Variants in SLC15A3 observed in about 807,000 individuals in gnomAD.
SLC15A3 encodes solute carrier family 15 member 3, also known as osteoclast transporter.
SLC15A3 carries 39 observed loss-of-function variants against 49.2 expected under a neutral mutation model. The ratio of observed to expected loss-of-function variants is 0.79; its 90% CI spans 0.61 to 1.04. SLC15A3 has a LOEUF of 1.04. Ranked by LOEUF, SLC15A3 falls within the 50% of genes least tolerant of loss-of-function variation. SLC15A3 has a pLI of 0.00. For synonymous variants in SLC15A3, 339 were observed against 367.0 expected, an observed-to-expected ratio of 0.92 and a Z score of 0.87; for missense variants, 758 against 794.8, an observed-to-expected ratio of 0.95 and a Z score of 0.56.
chr11:60,944,695 C>T (rs1237558490), intron 2 of SLC15A3, among the ~76,000 whole-genome samples: 1 of 150,078 alleles, frequency 6.7e-6, no homozygotes, highest in Non-Finnish European at 1.5e-5. Context: ...CACCAAAATT[C>T]CCCCCCCTTG....
At chr11:60,947,380 C>T (rs1187975113) in intron 1 of SLC15A3, among the ~76,000 whole-genome samples, 1 of 152,144 alleles carries the variant, frequency 6.6e-6, no homozygotes, top group Non-Finnish European at 1.5e-5. Flanking sequence ...GGGGTTTCAC[C>T]TTGTTAGCCA....
rs866006159 is a variant in SLC15A3 at position 60,951,000 on chromosome 11, G to T, written c.552C>A (p.Ala184=). 4 of 1,474,908 alleles carry T rather than the reference G, an allele frequency of 2.7e-6. No homozygotes were observed. In the South Asian group the frequency reaches 5.3e-5, roughly 19 times the overall value. The allele number at this position is 1,474,908 out of a possible 1,614,324, so 91.4% of individuals were successfully genotyped here. A position where few individuals can be genotyped will look rare whatever the true frequency, so the allele number is the denominator to read the frequency against. The change falls in exon 1 of 8, where the codon GCC becomes GCA. Residue 184 remains alanine (A), a synonymous_variant. Coordinates refer to ENST00000227880, the MANE Select transcript of SLC15A3 (RefSeq NM_016582.3). ...SVRSNLTSFG[A]DQVMDLGRDA... is the part of the protein sequence containing the mutation. ...CAGGCCTCCTGCCACTCACCTGGTCGGCACCGAAGGAGGTGAGGTTGCTCC... is the reference window on the plus strand; with the variant it reads ...CAGGCCTCCTGCCACTCACCTGGTCTGCACCGAAGGAGGTGAGGTTGCTCC...
At position 60,937,197 on chromosome 11, in the gene SLC15A3, A is replaced by AGGGGGCTGGAAT; in HGVS notation, c.*10_*21dup. The AGGGGGCTGGAAT allele has an allele frequency of 6.2e-7, 1 of 1,604,682 alleles. No homozygotes were observed. The highest frequency in any genetic ancestry group is 8.5e-7 in the Non-Finnish European group (1 of 1,173,012). ...GCCGTCTGTCCGGTAGAGTGAAGCA[A>AGGGGGCTGGAAT]GGGGGCTGGAATAGGGCCTGTTCAG... On this transcript the variant is annotated 3_prime_UTR_variant, in exon 8 of 8. Transcript: ENST00000227880.
At chr11:60,941,908 T>C (rs1022565648) in intron 4 of SLC15A3, 127 bp downstream of exon 4, 8 of 901,960 alleles carry the variant, frequency 8.9e-6, no homozygotes, top group South Asian at 3.0e-5. Context: ...CCAGGTGCTT[T>C]TCCTGTATCC....
In SLC15A3 at chr11:60,937,932, C is replaced by G; in HGVS notation, c.1529G>C (p.Gly510Ala). 6.2e-7 allele frequency: 1 copy of G among 1,614,196 alleles called. No individual in the cohort carries two copies. Residue 510 changes from glycine to alanine, a missense_variant, in exon 7 of 8, where the codon GGC becomes GCC. By Grantham distance (60) the Gly-to-Ala change is moderately conservative (BLOSUM62 0). Around this residue, in one of 3 missense-constraint regions of SLC15A3, gnomAD observed 699 missense variants for 706.7 expected, o/e 0.99. Coordinates refer to ENST00000227880, the MANE Select transcript of SLC15A3 (RefSeq NM_016582.3). ...GGACAGCAGTGCCACTAGGCTGGAG[C>G]CCAACAGTGAGCCCACCCCCGACAG... Reference protein sequence around the residue: ...FCLSGVGSLLGSSLVALLSLP... With the variant: ...FCLSGVGSLLASSLVALLSLP...
At position 60,946,630 on chromosome 11, in the gene SLC15A3, G is replaced by C; in HGVS notation, c.750C>G (p.Val250=). ...AFFIFLFATP[V]FITKPPMGSQ... ...TGCCCATCGGGGGCTTGGTGATGAA[G>C]ACGGGGGTGGCAAAGAGGAAGATGA... Residue 250 remains valine, a synonymous_variant, in exon 2 of 8, where the codon GTC becomes GTG. Transcript: ENST00000227880. 1.2e-6 allele frequency: 2 copies of C among 1,614,098 alleles called. No homozygotes were observed. The highest frequency in any genetic ancestry group is 1.7e-6 in the Non-Finnish European group (2 of 1,179,968).
chr11:60,942,421 G>A, intron 3 of SLC15A3: 1 of 361,508 alleles, frequency 2.8e-6, no homozygotes, highest in East Asian at 5.7e-5. Context: ...TGTCCCCAGG[G>A]CCCAGCACAG....
intron 2 of SLC15A3, among the ~76,000 whole-genome samples, chr11:60,944,497 A>G (rs1856772741): frequency 6.6e-6 from 1 of 152,132 alleles, no homozygotes; most frequent in Non-Finnish European, 1.5e-5. Flanking sequence ...TTTTGCTGCA[A>G]AAGTGCCTAG....
At chr11:60,949,542 A>AAG (rs1249361817) in intron 1 of SLC15A3, among the ~76,000 whole-genome samples, 1 of 78,716 alleles carries the variant, frequency 1.3e-5, no homozygotes, top group Non-Finnish European at 3.5e-5. Context: ...GAAAGAAAGA[A>AAG]AGAAAGAAAG....
At chr11:60,949,515 A>G (rs1390597467) in intron 1 of SLC15A3, among the ~76,000 whole-genome samples, 4 of 69,714 alleles carry the variant, frequency 5.7e-5, no homozygotes, top group African/African-American at 1.0e-4. Flanking sequence ...AAAGAAAGAA[A>G]GAAAGAAAGA....
chr11:60,949,497 A>G (rs1298572043), intron 1 of SLC15A3, among the ~76,000 whole-genome samples: 1 of 141,898 alleles, frequency 7.0e-6, no homozygotes, highest in Non-Finnish European at 1.5e-5. Context: ...AGAAAGAAAG[A>G]AAGAAGGAAA....
In SLC15A3 at chr11:60,943,685, T is replaced by C; in HGVS notation, c.996+4A>G. The C allele has an allele frequency of 1.3e-6, 2 of 1,533,910 alleles. No individual in the cohort carries two copies. Among genetic ancestry groups the C allele is most frequent in the Non-Finnish European group, 8.8e-7 (1 of 1,134,864 alleles). On this transcript the variant is annotated splice_donor_region_variant and intron_variant, in intron 3 of 7. Transcript: ENST00000227880. ...CCCCAGAGAAAAAGGGCAGGTATGCTCACCTGGAAGTAGACCATCCAGTAG... is the reference window on the plus strand; with the variant it reads ...CCCCAGAGAAAAAGGGCAGGTATGCCCACCTGGAAGTAGACCATCCAGTAG...
chr11:60,944,660 G>A (rs918962038), intron 2 of SLC15A3, among the ~76,000 whole-genome samples: 1 of 152,108 alleles, frequency 6.6e-6, no homozygotes, highest in African/African-American at 2.4e-5. Context: ...CTGACTCAGA[G>A]AGAGACGCTG....
chr11:60,937,439 C>T lies in SLC15A3; in HGVS notation c.1592-66G>A, dbSNP rs1044505056. ...CCTCTGTCTTGCGCCCTGTGCCTGC[C>T]GTGTCCTAGCCCTGGGGCTGGCAAC... On this transcript the variant is annotated intron_variant, in intron 7 of 7. Transcript: ENST00000227880. 6.6e-5 allele frequency: 106 copies of T among 1,599,638 alleles called. No homozygotes were observed. The South Asian group carries it at 1.1e-3, about 17-fold the overall frequency.
intron 3 of SLC15A3, chr11:60,943,467 G>A (rs1001481018): frequency 7.7e-6 from 3 of 390,340 alleles, no homozygotes; most frequent in Non-Finnish European, 1.3e-5. Context: ...TATAGCAGGA[G>A]GAAGCTGTCT....
At chr11:60,942,939 CACACACACACACACA>C (rs1355092649) in intron 3 of SLC15A3, 2 of 276 alleles carry the variant, frequency 7.2e-3, no homozygotes, top group Non-Finnish European at 0.077. Context: ...ACCCTCCTAT[CACACACACACACACA>C]CACACACACA....
chr11:60,939,857 T>G lies in SLC15A3; in HGVS notation c.1277-219A>C, dbSNP rs1212156462. On this transcript the variant is annotated intron_variant, in intron 5 of 7. Coordinates refer to ENST00000227880, the MANE Select transcript of SLC15A3 (RefSeq NM_016582.3). ...CTGCTAGAAGCTCCAAGCTGAGTTT[T>G]GCACTCAATAACACTAACAACTCTC... The G allele has an allele frequency of 7.0e-6, 4 of 571,684 alleles. No homozygotes were observed. In the African/African-American group the frequency reaches 7.5e-5, roughly 11 times the overall value. 35.4% of individuals were successfully genotyped at this position (571,684 alleles called of 1,614,324 possible). A position where few individuals can be genotyped will look rare whatever the true frequency, so the allele number is the denominator to read the frequency against.
At chr11:60,950,244 T>C (rs1486847326) in intron 1 of SLC15A3, among the ~76,000 whole-genome samples, 1 of 152,170 alleles carries the variant, frequency 6.6e-6, no homozygotes, top group East Asian at 1.9e-4. Flanking sequence ...AGAAGCTGGC[T>C]TGCTCCTGCC....
At chr11:60,950,226 TG>T (rs1215859036) in intron 1 of SLC15A3, among the ~76,000 whole-genome samples, 5 of 152,186 alleles carry the variant, frequency 3.3e-5, no homozygotes, top group African/African-American at 1.2e-4. Flanking sequence ...CTAGCACTGC[TG>T]GTAGGAAGAA....
Sources: gnomAD v4.1 joint callset for allele counts (sites outside exome capture counted in the v4.1 genomes callset) on GRCh38, gnomAD v4.1.1 for gene constraint, gnomAD v4.1.1 regional missense constraint, MANE v1.5 for transcripts, NCBI Gene and HGNC (gene_info 2026-07-23, HGNC 2026-07-21) for gene names.